PLEKHG1: variants seen among roughly 807,000 people sequenced by gnomAD.
PLEKHG1 encodes pleckstrin homology domain-containing family G member 1.
In PLEKHG1, 44 loss-of-function variants were observed where a neutral mutation model predicts 100.8. The observed-to-expected ratio is 0.44, with a 90% CI of 0.34 to 0.56. The LOEUF is 0.56. PLEKHG1 is among the 20% of genes least tolerant of loss of function. The pLI is 0.01. For synonymous variants in PLEKHG1, 640 were observed against 662.5 expected, an observed-to-expected ratio of 0.97 and a Z score of 0.52; for missense variants, 1,545 against 1,720.9, an observed-to-expected ratio of 0.90 and a Z score of 1.81.
chr6:150,743,613 C>G (rs900841979), intron 2 of PLEKHG1, among the ~76,000 whole-genome samples: 1 of 152,114 alleles, frequency 6.6e-6, no homozygotes, highest in African/African-American at 2.4e-5. Context: ...ACTAAATAAC[C>G]TCATAAAATG....
intron 3 of PLEKHG1, among the ~76,000 whole-genome samples, chr6:150,696,480 C>G (rs138823112): frequency 6.6e-6 from 1 of 152,196 alleles, no homozygotes; most frequent in Non-Finnish European, 1.5e-5. Flanking sequence ...ATTACACACA[C>G]ACACGGCACG....
chr6:150,660,130 G>C (rs1388605342), intron 3 of PLEKHG1, among the ~76,000 whole-genome samples: 1 of 149,908 alleles, frequency 6.7e-6, no homozygotes, highest in Non-Finnish European at 1.5e-5. Context: ...GGCCGGTCTT[G>C]AACTCCTGGC....
intron 1 of PLEKHG1, among the ~76,000 whole-genome samples, chr6:150,618,536 G>A (rs190307308): frequency 8.5e-5 from 13 of 152,184 alleles, no homozygotes; most frequent in African/African-American, 2.9e-4. Context: ...GTATTGCACC[G>A]TTTGTCTAGT....
At chr6:150,627,076 C>T (rs1777540673) in intron 1 of PLEKHG1, among the ~76,000 whole-genome samples, 2 of 151,810 alleles carry the variant, frequency 1.3e-5, no homozygotes, top group Non-Finnish European at 2.9e-5. Flanking sequence ...GAAGAATTTG[C>T]TCGTGAACCC....
intron 3 of PLEKHG1, among the ~76,000 whole-genome samples, chr6:150,785,022 GTC>G (rs1271998185): frequency 6.8e-6 from 1 of 146,408 alleles, no homozygotes; most frequent in Admixed American, 7.0e-5. Flanking sequence ...GTGAGACCCT[GTC>G]TCTAAAATTA....
chr6:150,834,058 A>G (rs1320282425), intron 15 of PLEKHG1, among the ~76,000 whole-genome samples: 1 of 152,204 alleles, frequency 6.6e-6, no homozygotes, highest in African/African-American at 2.4e-5. Flanking sequence ...TAAAGTTTTA[A>G]TCTTCAGTAC....
intron 3 of PLEKHG1, among the ~76,000 whole-genome samples, chr6:150,778,501 C>T (rs781600058): frequency 6.6e-6 from 1 of 152,200 alleles, no homozygotes; most frequent in Non-Finnish European, 1.5e-5. Context: ...AGAGAACCTT[C>T]CCTGACTGTC....
At chr6:150,835,151 T>A (rs1340430174) in intron 15 of PLEKHG1, among the ~76,000 whole-genome samples, 1 of 152,108 alleles carries the variant, frequency 6.6e-6, no homozygotes, top group Non-Finnish European at 1.5e-5. Context: ...TGGGTCAGAT[T>A]TCTGCCTATA....
At chr6:150,725,388 A>G (rs1781912029) in intron 1 of PLEKHG1, among the ~76,000 whole-genome samples, 2 of 152,216 alleles carry the variant, frequency 1.3e-5, no homozygotes, top group African/African-American at 4.8e-5. Flanking sequence ...ATAGGAATCA[A>G]TCGGTAAATT....
At chr6:150,779,642 G>A (rs2128646889) in intron 3 of PLEKHG1, among the ~76,000 whole-genome samples, 1 of 151,722 alleles carries the variant, frequency 6.6e-6, no homozygotes, top group Admixed American at 6.5e-5. Flanking sequence ...CACCATGCCT[G>A]GCCTGCCAAG....
At chr6:150,654,420 C>G (rs1316379134) in intron 3 of PLEKHG1, among the ~76,000 whole-genome samples, 1 of 152,194 alleles carries the variant, frequency 6.6e-6, no homozygotes, top group Non-Finnish European at 1.5e-5. Flanking sequence ...GCGCTCTTCC[C>G]TGGAGGGTAG....
At chr6:150,744,866 A>G (rs1330401854) in intron 2 of PLEKHG1, among the ~76,000 whole-genome samples, 1 of 152,186 alleles carries the variant, frequency 6.6e-6, no homozygotes, top group East Asian at 1.9e-4. Flanking sequence ...CAGGCTTTGT[A>G]GGCCATTCTT....
intron 3 of PLEKHG1, among the ~76,000 whole-genome samples, chr6:150,701,445 ATATATATATATATATATAT>A (rs1780777147): frequency 1.3e-5 from 1 of 79,466 alleles, no homozygotes; most frequent in African/African-American, 1.3e-4. Flanking sequence ...ATATATATAT[ATATATATATATATATATAT>A]ATAATTATAC....
chr6:150,690,140 G>C (rs914755194), intron 3 of PLEKHG1, among the ~76,000 whole-genome samples: 2 of 152,108 alleles, frequency 1.3e-5, no homozygotes, highest in African/African-American at 4.8e-5. Context: ...GAGTCTCCTG[G>C]CTGCTCAACA....
At chr6:150,824,413 C>T (rs1292710860) in intron 14 of PLEKHG1, among the ~76,000 whole-genome samples, 1 of 152,062 alleles carries the variant, frequency 6.6e-6, no homozygotes, top group Admixed American at 6.6e-5. Context: ...GAAACCTCTC[C>T]CTATAATCTC....
At chr6:150,778,936 A>G (rs768851943) in intron 3 of PLEKHG1, among the ~76,000 whole-genome samples, 2 of 152,220 alleles carry the variant, frequency 1.3e-5, no homozygotes, top group African/African-American at 2.4e-5. Context: ...CATGTTGAAG[A>G]TATGACAGTG....
At chr6:150,803,667 C>CT (rs1786840534) in intron 6 of PLEKHG1, among the ~76,000 whole-genome samples, 1 of 152,208 alleles carries the variant, frequency 6.6e-6, no homozygotes, top group Non-Finnish European at 1.5e-5. Flanking sequence ...TCTCAACACT[C>CT]TCAAGGATTG....
chr6:150,637,468 G>T (rs1250926343), intron 1 of PLEKHG1, among the ~76,000 whole-genome samples: 7 of 151,412 alleles, frequency 4.6e-5, no homozygotes, highest in African/African-American at 1.7e-4. Flanking sequence ...TCCTCCCTTT[G>T]AGTAACTTTT....
At chr6:150,747,008 C>T (rs759057411) in intron 2 of PLEKHG1, among the ~76,000 whole-genome samples, 38 of 152,228 alleles carry the variant, frequency 2.5e-4, no homozygotes, top group Non-Finnish European at 4.7e-4. Flanking sequence ...ATTTTAAAAA[C>T]TTCAGTTAAC....
Sources: allele counts gnomAD v4.1 joint callset (sites outside exome capture counted in the v4.1 genomes callset), GRCh38; gene constraint gnomAD v4.1.1; transcripts MANE v1.5; gene names NCBI Gene and HGNC (gene_info 2026-07-23, HGNC 2026-07-21).